The following KCNN2 variants were observed in gnomAD, a reference collection of about 807,000 sequenced individuals.
KCNN2 encodes the protein small conductance calcium-activated potassium channel protein 2.
In KCNN2, 24 loss-of-function variants were observed where a neutral mutation model predicts 55.5. That is an observed-to-expected ratio of 0.43 (90% CI 0.31 to 0.61). The LOEUF (loss-of-function observed/expected upper bound fraction) is 0.61. KCNN2 is among the 20% of genes least tolerant of loss of function. The pLI is 0.08. For synonymous variants in KCNN2, 431 were observed against 336.1 expected, an observed-to-expected ratio of 1.28 and a Z score of -3.09; for missense variants, 754 against 853.6, an observed-to-expected ratio of 0.88 and a Z score of 1.45.
At chr5:114,092,237 G>T (rs141144189) in intron 1 of KCNN2, among the ~76,000 whole-genome samples, 2 of 152,332 alleles carry the variant, frequency 1.3e-5, no homozygotes, top group East Asian at 1.9e-4. Context: ...TCCCATGAAA[G>T]TCTAAAATCT....
At chr5:114,490,388 C>G (rs1410824564) in intron 6 of KCNN2, among the ~76,000 whole-genome samples, 1 of 152,164 alleles carries the variant, frequency 6.6e-6, no homozygotes, top group Non-Finnish European at 1.5e-5. Context: ...TTGTTGTTTA[C>G]TTGAACATCA....
At chr5:114,317,673 G>C (rs967495261) in intron 2 of KCNN2, among the ~76,000 whole-genome samples, 2 of 152,208 alleles carry the variant, frequency 1.3e-5, no homozygotes, top group African/African-American at 4.8e-5. Flanking sequence ...ATGTGCTACA[G>C]AAAGTCTTAG....
At chr5:114,441,308 A>G (rs1293517828) in intron 3 of KCNN2, among the ~76,000 whole-genome samples, 2 of 152,236 alleles carry the variant, frequency 1.3e-5, no homozygotes, top group African/African-American at 4.8e-5. Flanking sequence ...TGATTTGAAT[A>G]ACACAGTTAA....
intron 7 of KCNN2, among the ~76,000 whole-genome samples, chr5:114,494,746 C>CA (rs1259925071): frequency 6.6e-6 from 1 of 152,076 alleles, no homozygotes; most frequent in Non-Finnish European, 1.5e-5. Flanking sequence ...TCAGTATTTT[C>CA]TTAAATGAAT....
At chr5:114,454,159 T>C (rs1760815258) in intron 3 of KCNN2, among the ~76,000 whole-genome samples, 1 of 152,230 alleles carries the variant, frequency 6.6e-6, no homozygotes, top group Non-Finnish European at 1.5e-5. Flanking sequence ...GAACTCATTC[T>C]TTTTATGGCT....
chr5:114,398,670 C>T (rs1758694064), intron 2 of KCNN2, among the ~76,000 whole-genome samples: 1 of 152,054 alleles, frequency 6.6e-6, no homozygotes, highest in South Asian at 2.1e-4. Flanking sequence ...CTGATTCTTG[C>T]TATCCGTGGA....
At chr5:114,405,337 AAGG>A (rs1303466593) in intron 3 of KCNN2, among the ~76,000 whole-genome samples, 2 of 152,186 alleles carry the variant, frequency 1.3e-5, no homozygotes, top group Non-Finnish European at 2.9e-5. Context: ...ATTACTTGAT[AAGG>A]AGGTTATGGG....
chr5:114,268,583 G>A (rs987007972), intron 2 of KCNN2, among the ~76,000 whole-genome samples: 1 of 152,176 alleles, frequency 6.6e-6, no homozygotes, highest in African/African-American at 2.4e-5. Flanking sequence ...ACCAAAAAGA[G>A]CAGAGAAAGA....
chr5:114,319,929 C>T (rs1395915268), intron 2 of KCNN2, among the ~76,000 whole-genome samples: 1 of 152,168 alleles, frequency 6.6e-6, no homozygotes, highest in Non-Finnish European at 1.5e-5. Flanking sequence ...AGGAAGGAAT[C>T]CAGTGTTTCC....
chr5:114,067,396 G>C (rs1422622097), intron 1 of KCNN2, among the ~76,000 whole-genome samples: 1 of 152,172 alleles, frequency 6.6e-6, no homozygotes. Context: ...TTTTCAACAA[G>C]CTTTCCTGGT....
intron 2 of KCNN2, among the ~76,000 whole-genome samples, chr5:114,379,455 AT>A (rs1758037553): frequency 8.1e-6 from 1 of 123,178 alleles, no homozygotes; most frequent in African/African-American, 2.7e-5. Flanking sequence ...TTTATAGAAT[AT>A]ATTATATAAC....
chr5:114,113,996 T>C (rs1022857211), intron 1 of KCNN2, among the ~76,000 whole-genome samples: 1 of 152,094 alleles, frequency 6.6e-6, no homozygotes, highest in African/African-American at 2.4e-5. Context: ...TCACCTTCAG[T>C]ATCATAGATA....
intron 1 of KCNN2, among the ~76,000 whole-genome samples, chr5:114,116,293 A>C (rs1361447608): frequency 6.6e-6 from 1 of 152,202 alleles, no homozygotes. Flanking sequence ...CTCTGCAGTC[A>C]GAGAGGCAAA....
chr5:114,069,874 C>T (rs1750530658), intron 1 of KCNN2, among the ~76,000 whole-genome samples: 1 of 152,170 alleles, frequency 6.6e-6, no homozygotes, highest in Non-Finnish European at 1.5e-5. Flanking sequence ...TAATGCATGT[C>T]CCAGCTGTTG....
chr5:114,238,167 A>ATATTCATT (rs1271101277), intron 2 of KCNN2, among the ~76,000 whole-genome samples: 1 of 152,250 alleles, frequency 6.6e-6, no homozygotes, highest in Non-Finnish European at 1.5e-5. Context: ...GGTGAGATAT[A>ATATTCATT]GTTAAATACT....
At chr5:114,268,897 A>G (rs1755261473) in intron 2 of KCNN2, among the ~76,000 whole-genome samples, 2 of 151,520 alleles carry the variant, frequency 1.3e-5, no homozygotes, top group Admixed American at 1.3e-4. Flanking sequence ...AAAACAAGAG[A>G]GACAAGTCAC....
chr5:114,370,544 T>A (rs1053217625), intron 2 of KCNN2, among the ~76,000 whole-genome samples: 6 of 152,046 alleles, frequency 3.9e-5, no homozygotes. Context: ...AACAGTTGCA[T>A]ACATCAGACA....
intron 1 of KCNN2, among the ~76,000 whole-genome samples, chr5:114,168,155 A>G (rs1252837331): frequency 8.4e-6 from 1 of 119,620 alleles, no homozygotes; most frequent in African/African-American, 3.0e-5. Context: ...ATATATAATC[A>G]TATATATGTG....
chr5:114,147,569 G>T (rs1047735936), intron 1 of KCNN2, among the ~76,000 whole-genome samples: 3 of 152,098 alleles, frequency 2.0e-5, no homozygotes, highest in Non-Finnish European at 4.4e-5. Context: ...GGCAAATTTG[G>T]GTCAATATGA....
Sources: gnomAD v4.1 joint callset for allele counts (sites outside exome capture counted in the v4.1 genomes callset) on GRCh38, gnomAD v4.1.1 for gene constraint, MANE v1.5 for transcripts, NCBI Gene and HGNC (gene_info 2026-07-23, HGNC 2026-07-21) for gene names.